Variants in DNAH1 observed in about 807,000 individuals in gnomAD.
DNAH1 encodes dynein axonemal heavy chain 1, also known as axonemal beta dynein heavy chain 1.
DNAH1 carries 327 observed loss-of-function variants against 484.3 expected under a neutral mutation model. The observed-to-expected ratio is 0.68, with a 90% confidence interval of 0.62 to 0.74. The LOEUF (loss-of-function observed/expected upper bound fraction) is 0.74, where lower values mean the gene tolerates loss of function less well. Among genes scored for constraint, DNAH1 ranks in the 30% least tolerant of loss-of-function variants. The probability of loss-of-function intolerance (pLI) is 0.00; values close to 1 mark genes in which losing one functional copy is unlikely to be tolerated. For missense variants in DNAH1, 5,052 were observed against 5,546.8 expected, an observed-to-expected ratio of 0.91 and a Z score of 2.83; for synonymous variants, 2,192 against 2,191.9, an observed-to-expected ratio of 1.00 and a Z score of 0.00.
chr3:52,370,645 G>A lies in DNAH1; in HGVS notation c.6417+10G>A, dbSNP rs746762490. On this transcript the variant is annotated intron_variant, in intron 40 of 77. Coordinates refer to ENST00000420323, the MANE Select transcript of DNAH1 (RefSeq NM_015512.5). ...GATGGAGAACGAACAGGTGAGAGCC[G>A]GCGGCCCCCAGGGACCAGGAGCCTC... The A allele has an allele frequency of 1.1e-5, 18 of 1,606,560 alleles. No homozygotes were observed. The East Asian group carries it at 2.0e-4, about 18-fold the overall frequency.
At chr3:52,315,831 A>T (rs17327818), upstream of DNAH1, among the ~76,000 whole-genome samples, 1 of 152,186 alleles carries the variant, frequency 6.6e-6, no homozygotes, top group African/African-American at 2.4e-5. Context: ...AAGACAGCAC[A>T]TTAGAGGGTA....
chr3:52,394,631 G>A lies in DNAH1; in HGVS notation c.10793G>A (p.Arg3598Gln), dbSNP rs778810613. ...TTCGTGAAGCACCTCTCAGAATTCCGGGTCATCTTCGACAGCCTTGAGCCC... is the reference window on the plus strand; with the variant it reads ...TTCGTGAAGCACCTCTCAGAATTCCAGGTCATCTTCGACAGCCTTGAGCCC... ...SDFVKHLSEF[R>Q]VIFDSLEPHR... The change falls in exon 67 of 78, where the codon CGG (arginine) becomes CAG (glutamine). Residue 3598 changes from arginine to glutamine, a missense_variant. Physicochemically the swap from Arg to Gln is conservative, Grantham distance 43. Around this residue, in one of 4 missense-constraint regions of DNAH1, gnomAD observed 853 missense variants for 899.0 expected, o/e 0.95. Transcript: ENST00000420323. 3.1e-6 allele frequency: 5 copies of A among 1,588,234 alleles called. No homozygotes were observed. The highest frequency in any genetic ancestry group is 1.3e-5 in the African/African-American group (1 of 74,642).
upstream of DNAH1, among the ~76,000 whole-genome samples, chr3:52,315,935 C>T (rs1228035183): frequency 6.6e-6 from 1 of 152,210 alleles, no homozygotes; most frequent in African/African-American, 2.4e-5. Flanking sequence ...TGAAGAGGGG[C>T]GAAGTGGAGC....
intron 22 of DNAH1, 22 bp from the exon 23 acceptor site, chr3:52,357,592 G>A (rs1334478369): frequency 6.3e-7 from 1 of 1,593,026 alleles, no homozygotes; most frequent in Non-Finnish European, 8.6e-7. Flanking sequence ...GCCCATTTCT[G>A]TGCATGGCCC....
chr3:52,372,218 C>T lies in DNAH1; in HGVS notation c.6667-9C>T, dbSNP rs765109741. The stretch of plus-strand genomic sequence containing the variant: ...ACCGCATGCTCCTGTGCCATCCCCG[C>T]TCTGCCAGGTGCTGTGCATTGGGCC... On this transcript the variant is annotated splice_polypyrimidine_tract_variant and intron_variant, in intron 42 of 77. Transcript: ENST00000420323. 21 of 1,613,610 alleles carry T rather than the reference C, an allele frequency of 1.3e-5. No homozygotes were observed. The South Asian group carries it at 2.2e-4, about 17-fold the overall frequency.
At chr3:52,393,094 G>A (rs370684053) in intron 65 of DNAH1, 69 bp downstream of exon 65, 1 of 1,555,204 alleles carries the variant, frequency 6.4e-7, no homozygotes. Context: ...CCACTGTGGG[G>A]CACACACAAA....
At chr3:52,369,338 A>C (rs1703219305) in intron 37 of DNAH1, among the ~76,000 whole-genome samples, 1 of 152,286 alleles carries the variant, frequency 6.6e-6, no homozygotes, top group East Asian at 1.9e-4. Context: ...GATGGATGGC[A>C]TAGACACCAC....
intron 16 of DNAH1, among the ~76,000 whole-genome samples, chr3:52,351,336 T>C (rs1305904077): frequency 6.6e-6 from 1 of 152,172 alleles, no homozygotes; most frequent in African/African-American, 2.4e-5. Flanking sequence ...TGCCAAGCCT[T>C]ACTGAGGCCG....
chr3:52,353,056 G>A lies in DNAH1; in HGVS notation c.3028-47G>A. 6.4e-7 allele frequency: 1 copy of A among 1,554,224 alleles called. No homozygotes were observed. Among genetic ancestry groups the A allele is most frequent in the East Asian group, 2.3e-5 (1 of 44,304 alleles). On this transcript the variant is annotated intron_variant, in intron 18 of 77. Transcript: ENST00000420323. This position sits in a 1 kb window ranked among gnomAD's most constrained non-coding sequence, Gnocchi z 5.0. Reference sequence around the variant, plus strand: ...AGAAGGGGCAACATGGAGAGAGACTGGGAAGTGTCCCAAGACAGCCCCAGC... The same window carrying A: ...AGAAGGGGCAACATGGAGAGAGACTAGGAAGTGTCCCAAGACAGCCCCAGC...
Position 52,370,792 on chromosome 3 carries a change from C to CTGATGTGAG in DNAH1, c.6492_6493insTGATGTGAG (p.Asn2164_Asp2165insTer). The CTGATGTGAG allele has an allele frequency of 6.2e-7, 1 of 1,606,224 alleles. No individual in the cohort carries two copies. The highest frequency in any genetic ancestry group is 1.7e-5 in the Admixed American group (1 of 58,852). ...AGGACGCGGGCATCAGTGGCACCAA[C>CTGATGTGAG]GACAGTGAGGATGAAGAGGAGGAAT... On this transcript the variant is annotated stop_gained and inframe_insertion, in exon 41 of 78. Coordinates refer to ENST00000420323, the MANE Select transcript of DNAH1 (RefSeq NM_015512.5). LOFTEE classifies it high-confidence loss of function.
rs778942324 is a variant in DNAH1, at chr3:52,356,734, C to T, written c.3814C>T (p.Arg1272Trp). 18 of 1,613,398 alleles carry T rather than the reference C, an allele frequency of 1.1e-5. No individual in the cohort carries two copies. The highest frequency in any genetic ancestry group is 6.7e-5 in the Admixed American group (4 of 59,920). ...VESKRYQTME[R>W]IWKKIMKNAY... ...GAGCAAGCGCTACCAGACCATGGAG[C>T]GGATCTGGAAGAAGATCATGAAGAA... The change falls in exon 22 of 78, where the codon CGG (arginine) becomes TGG (tryptophan). Residue 1272 changes from arginine (R) to tryptophan (W), a missense_variant. Physicochemically the swap from Arg to Trp is moderately radical, Grantham distance 101 (BLOSUM62 -3). Around this residue, in one of 4 missense-constraint regions of DNAH1, gnomAD observed 2,929 missense variants for 3,409.4 expected, o/e 0.86. Coordinates refer to ENST00000420323, the MANE Select transcript of DNAH1 (RefSeq NM_015512.5).
At chr3:52,331,590 C>T (rs1373296330) in intron 7 of DNAH1, among the ~76,000 whole-genome samples, 1 of 151,458 alleles carries the variant, frequency 6.6e-6, no homozygotes, top group Non-Finnish European at 1.5e-5. Flanking sequence ...AACAGCCATG[C>T]CTGTATAACT....
chr3:52,345,657 A>G lies in DNAH1; in HGVS notation c.1607A>G (p.Tyr536Cys). ...CTGTTCCACTCGAGCCTCTCCAAGT[A>G]CAGCCACCTGGAGGAATTTGAGCAG... ...MSLFHSSLSK[Y>C]SHLEEFEQIQ... The change falls in exon 10 of 78, where the codon TAC (tyrosine) becomes TGC (cysteine). Residue 536 changes from tyrosine (Y) to cysteine (C), a missense_variant. Physicochemically the swap from Tyr to Cys is radical, Grantham distance 194. This residue lies in a region of DNAH1 where 1,263 missense variants were observed against 1,218.8 expected (regional missense o/e 1.04). Transcript: ENST00000420323. 2 of 1,613,100 alleles carry G rather than the reference A, an allele frequency of 1.2e-6. No homozygotes were observed. The highest frequency in any genetic ancestry group is 1.7e-6 in the Non-Finnish European group (2 of 1,179,526).
At position 52,395,728 on chromosome 3, in the gene DNAH1, T is replaced by G; in HGVS notation, c.11259+50T>G. On this transcript the variant is annotated intron_variant, in intron 70 of 77. Transcript: ENST00000420323. This position sits in a 1 kb window ranked among gnomAD's most constrained non-coding sequence, Gnocchi z 4.4. ...CCCAGTGGGGCCGCCTCTGCATCCA[T>G]CAGGGACTAATGAGGCAGAAATAAG... The G allele has an allele frequency of 6.3e-7, 1 of 1,583,802 alleles. No individual in the cohort carries two copies. Among genetic ancestry groups the G allele is most frequent in the Non-Finnish European group, 8.6e-7 (1 of 1,163,050 alleles).
At chr3:52,367,698 C>T (rs1350728656) in intron 36 of DNAH1, among the ~76,000 whole-genome samples, 1 of 152,090 alleles carries the variant, frequency 6.6e-6, no homozygotes, top group Non-Finnish European at 1.5e-5. Context: ...CTCAGCCTCC[C>T]GAGTAGCTGG....
rs553703128 is a variant in DNAH1, at chr3:52,396,310, G to T, written c.11260-58G>T. 1,263 of 1,521,416 alleles carry T rather than the reference G, an allele frequency of 8.3e-4. 2 individuals are homozygous for T. Among genetic ancestry groups the T allele is most frequent in the Non-Finnish European group, 1.0e-3 (1,174 of 1,130,532 alleles). 94.2% of individuals were successfully genotyped at this position (1,521,416 alleles called of 1,614,324 possible). ...GGGTCCCTGGGCAGGAGGGAGCCTG[G>T]TGTCAGGGTGGCCACCAGATATGGG... On this transcript the variant is annotated intron_variant, in intron 70 of 77. Coordinates refer to ENST00000420323, the MANE Select transcript of DNAH1 (RefSeq NM_015512.5).
Position 52,332,365 on chromosome 3 carries a change from G to C in DNAH1, c.1257G>C (p.Leu419=), listed in dbSNP as rs1701588483. The part of the protein sequence containing the change: ...QSLSKIKQWA[L]STPRMRKGPS... ...TGAGCAAGATCAAGCAGTGGGCCCT[G>C]AGCACGCCTCGGATGCGCAAAGGCC... Residue 419 remains leucine (L), a synonymous_variant, in exon 8 of 78, where the codon CTG becomes CTC. Transcript: ENST00000420323. The C allele has an allele frequency of 6.2e-7, 1 of 1,613,710 alleles. No individual in the cohort carries two copies. Among genetic ancestry groups the C allele is most frequent in the African/African-American group, 1.3e-5 (1 of 74,944 alleles).
intron 5 of DNAH1, among the ~76,000 whole-genome samples, chr3:52,327,587 G>A (rs1474822876): frequency 1.3e-5 from 2 of 152,162 alleles, no homozygotes; most frequent in Non-Finnish European, 1.5e-5. Flanking sequence ...ACCTGCTCTG[G>A]GTCCCTGGAC....
At chr3:52,321,212 G>A (rs927585115) in intron 1 of DNAH1, among the ~76,000 whole-genome samples, 12 of 151,586 alleles carry the variant, frequency 7.9e-5, no homozygotes, top group African/African-American at 2.7e-4. Flanking sequence ...TGCCTCCCGG[G>A]TTCAAGTGAT....
Sources: allele counts gnomAD v4.1 joint callset (sites outside exome capture counted in the v4.1 genomes callset), GRCh38; gene constraint gnomAD v4.1.1; regional missense constraint gnomAD v4.1.1; non-coding constraint Gnocchi (gnomAD v3.1); transcripts MANE v1.5; gene names NCBI Gene and HGNC (gene_info 2026-07-23, HGNC 2026-07-21).